ITGAD: variants seen among roughly 807,000 people sequenced by gnomAD.
The protein encoded by ITGAD is integrin alpha-D.
A neutral mutation model predicts 139.0 loss-of-function variants in ITGAD; 105 were observed. The ratio of observed to expected loss-of-function variants is 0.76; its 90% confidence interval spans 0.65 to 0.89. The LOEUF is 0.89. Among genes scored for constraint, ITGAD ranks in the 40% least tolerant of loss-of-function variants. The pLI, the probability that ITGAD is intolerant of heterozygous loss-of-function variation, is 0.00. For synonymous variants in ITGAD, 569 were observed against 598.3 expected (o/e 0.95, Z 0.71); for missense variants, 1,384 against 1,487.3 (o/e 0.93, Z 1.14).
intron 6 of ITGAD, chr16:31,402,818 C>T: frequency 6.6e-6 from 1 of 152,172 alleles, no homozygotes; most frequent in East Asian, 1.9e-4. Context: ...TATTGCCCAA[C>T]CTGGTCTCCA....
At chr16:31,414,818 G>A (rs374548973) in intron 17 of ITGAD, 42 bp from the exon 18 acceptor site, 77 of 1,607,290 alleles carry the variant, frequency 4.8e-5, no homozygotes, top group African/African-American at 4.0e-4. Context: ...GTGGTGGAGC[G>A]TAGAGAGGAC....
intron 7 of ITGAD, 148 bp from the exon 8 acceptor site, chr16:31,407,367 C>A: frequency 1.3e-6 from 1 of 781,290 alleles, no homozygotes; most frequent in East Asian, 2.6e-5. Flanking sequence ...AAAGAAAACC[C>A]AAAACGGCAA....
At chr16:31,420,862 G>A (rs1052349913) in intron 23 of ITGAD, among the ~76,000 whole-genome samples, 14 of 152,170 alleles carry the variant, frequency 9.2e-5, no homozygotes, top group Non-Finnish European at 1.8e-4. Context: ...ACAGGCATGA[G>A]CCACCACACC....
rs756480553 is a variant in ITGAD at position 31,411,433 on chromosome 16, G to A, written c.1623G>A (p.Gly541=). 3 of 1,614,106 alleles carry A rather than the reference G, an allele frequency of 1.9e-6. No homozygotes were observed. The highest frequency in any genetic ancestry group is 2.5e-6 in the Non-Finnish European group (3 of 1,180,002). ...NEDKLIDVAI[G]APGEQENRGA... The stretch of plus-strand genomic sequence containing the variant: ...ACAAGCTGATAGACGTGGCCATTGG[G>A]GCCCCGGGAGAGCAGGAGAACCGGG... The change falls in exon 14 of 30, where the codon GGG becomes GGA. Residue 541 remains glycine (G), a synonymous_variant. Transcript: ENST00000389202.
intron 16 of ITGAD, 144 bp from the exon 17 acceptor site, chr16:31,414,307 T>G: frequency 1.3e-6 from 1 of 751,662 alleles, no homozygotes; most frequent in Admixed American, 2.7e-5. Context: ...TCCATCTATC[T>G]TCTTCACATG....
intron 2 of ITGAD, among the ~76,000 whole-genome samples, chr16:31,397,094 T>G (rs55861019): frequency 6.6e-5 from 8 of 121,788 alleles, no homozygotes; most frequent in Non-Finnish European, 1.0e-4. Flanking sequence ...TTTTTTTTGG[T>G]GAATGTTAAA....
Position 31,426,289 on chromosome 16 carries a change from C to T in ITGAD, c.*161C>T. 1.8e-6 allele frequency: 1 copy of T among 562,902 alleles called. No homozygotes were observed. The highest frequency in any genetic ancestry group is 3.2e-6 in the Non-Finnish European group (1 of 312,360). The allele number at this position is 562,902 out of a possible 1,614,324, so 34.9% of individuals were successfully genotyped here. A position where few individuals can be genotyped will look rare whatever the true frequency, so the allele number is the denominator to read the frequency against. ...AGAGATAGAGATTGTAATGTTTTTA[C>T]ATATCTGTCCATCTTTTTCAGCAAT... On this transcript the variant is annotated 3_prime_UTR_variant, in exon 30 of 30. Transcript: ENST00000389202.
intron 9 of ITGAD, 57 bp downstream of exon 9, chr16:31,407,973 T>G: frequency 6.7e-7 from 1 of 1,494,576 alleles, no homozygotes. Flanking sequence ...AATTGTCCCG[T>G]GCAGGCTTTT....
intron 20 of ITGAD, 63 bp downstream of exon 20, chr16:31,416,709 TAC>T (rs2081897310): frequency 1.3e-6 from 2 of 1,510,454 alleles, no homozygotes; most frequent in Admixed American, 1.9e-5. Flanking sequence ...CCCCGGGAGT[TAC>T]ACAGTGTTCT....
Position 31,413,124 on chromosome 16 carries a change from G to A in ITGAD, c.1874G>A (p.Arg625Lys), listed in dbSNP as rs1482047898. 2 of 1,614,196 alleles carry A rather than the reference G, an allele frequency of 1.2e-6. No individual in the cohort carries two copies. The highest frequency in any genetic ancestry group is 1.7e-6 in the Non-Finnish European group (2 of 1,180,028). ...GTGCTGAAAGTGGGGGTGGCCATGA[G>A]ATTCAGCCCTGTGGAGGTGGCCAAG... ...LPVLKVGVAM[R>K]FSPVEVAKAV... is the part of the protein sequence containing the mutation. The change falls in exon 16 of 30, where the codon AGA becomes AAA. Residue 625 changes from arginine (R) to lysine (K), a missense_variant. Physicochemically the swap from Arg to Lys is conservative, Grantham distance 26. Transcript: ENST00000389202.
Position 31,423,686 on chromosome 16 carries a change from C to T in ITGAD, c.3045+38C>T, listed in dbSNP as rs757966273. The T allele has an allele frequency of 7.6e-5, 120 of 1,583,454 alleles. 3 individuals are homozygous for T. The South Asian group carries it at 9.9e-4, about 13-fold the overall frequency. ...CTGAACCCCCACCGCCAAGATCAGCCCCCACCGGGGATACTGGGAAATGTA... is the reference window on the plus strand; with the variant it reads ...CTGAACCCCCACCGCCAAGATCAGCTCCCACCGGGGATACTGGGAAATGTA... On this transcript the variant is annotated intron_variant, in intron 26 of 29. Transcript: ENST00000389202.
intron 23 of ITGAD, among the ~76,000 whole-genome samples, chr16:31,422,051 C>T (rs1482102568): frequency 1.3e-5 from 2 of 151,966 alleles, no homozygotes; most frequent in Non-Finnish European, 2.9e-5. Flanking sequence ...CTGCCTCAGC[C>T]TCCTGAGTAG....
At chr16:31,410,362 T>C (rs1472789881) in intron 10 of ITGAD, 33 bp from the exon 11 acceptor site, 1 of 1,613,388 alleles carries the variant, frequency 6.2e-7, no homozygotes, top group Non-Finnish European at 8.5e-7. Context: ...CCCGCTCTAG[T>C]CTCTGCCCAG....
chr16:31,423,692 C>T lies in ITGAD; in HGVS notation c.3045+44C>T, dbSNP rs200358954. 20 of 1,572,824 alleles carry T rather than the reference C, an allele frequency of 1.3e-5. No individual in the cohort carries two copies. In the East Asian group the frequency reaches 1.6e-4, roughly 12 times the overall value. ...CCCCACCGCCAAGATCAGCCCCCACCGGGGATACTGGGAAATGTACTGCTA... is the reference window on the plus strand; with the variant it reads ...CCCCACCGCCAAGATCAGCCCCCACTGGGGATACTGGGAAATGTACTGCTA... On this transcript the variant is annotated intron_variant, in intron 26 of 29. Transcript: ENST00000389202.
chr16:31,416,778 T>G, intron 20 of ITGAD, 132 bp downstream of exon 20: 1 of 790,804 alleles, frequency 1.3e-6, no homozygotes, highest in South Asian at 2.0e-5. Context: ...CACACACACA[T>G]ACACACAGAG....
At position 31,393,404 on chromosome 16, in the gene ITGAD, A is replaced by G; in HGVS notation, c.31+13A>G. On this transcript the variant is annotated intron_variant, in intron 1 of 29. Transcript: ENST00000389202. ...CTTCTTCTGAGTGGTAAGTGGGGCCAGGGTGCTGGGGAGAAGCTTGGAGGA... is the reference window on the plus strand; with the variant it reads ...CTTCTTCTGAGTGGTAAGTGGGGCCGGGGTGCTGGGGAGAAGCTTGGAGGA... 6 of 1,613,928 alleles carry G rather than the reference A, an allele frequency of 3.7e-6. No homozygotes were observed. Among genetic ancestry groups the G allele is most frequent in the Non-Finnish European group, 5.1e-6 (6 of 1,179,962 alleles).
intron 21 of ITGAD, 29 bp downstream of exon 21, chr16:31,418,220 C>T (rs747137184): frequency 1.2e-6 from 2 of 1,605,808 alleles, no homozygotes; most frequent in East Asian, 4.5e-5. Flanking sequence ...ATCCCCATCA[C>T]TGTCCTCCCT....
intron 23 of ITGAD, among the ~76,000 whole-genome samples, chr16:31,421,254 A>G (rs889039770): frequency 1.3e-5 from 2 of 152,094 alleles, no homozygotes; most frequent in African/African-American, 4.8e-5. Context: ...GCCCATGGCC[A>G]TACATGGCAT....
At chr16:31,421,501 A>C (rs976718140) in intron 23 of ITGAD, among the ~76,000 whole-genome samples, 14 of 152,028 alleles carry the variant, frequency 9.2e-5, no homozygotes, top group Non-Finnish European at 1.8e-4. Context: ...ATAAAACTTT[A>C]AAAATGAAAA....
Sources: allele counts gnomAD v4.1 joint callset (sites outside exome capture counted in the v4.1 genomes callset), GRCh38; gene constraint gnomAD v4.1.1; transcripts MANE v1.5; gene names NCBI Gene and HGNC (gene_info 2026-07-23, HGNC 2026-07-21).